Variants in TGFBR1 observed in about 807,000 individuals in gnomAD.
The protein encoded by TGFBR1 is TGF-beta receptor type-1.
Under a neutral mutation model 55.1 loss-of-function variants are expected in TGFBR1, and 20 were observed. That is an observed-to-expected ratio of 0.36 (90% CI 0.26 to 0.53). The LOEUF (loss-of-function observed/expected upper bound fraction) is 0.53, where lower values mean the gene tolerates loss of function less well. TGFBR1 is among the 20% of genes least tolerant of loss of function. TGFBR1 has a pLI of 0.91. For missense variants in TGFBR1, 385 were observed against 617.6 expected, an observed-to-expected ratio of 0.62 and a Z score of 3.99; for synonymous variants, 220 against 214.8, an observed-to-expected ratio of 1.02 and a Z score of -0.21.
At chr9:99,147,603 G>T in intron 7 of TGFBR1, 51 bp from the exon 8 acceptor site, 1 of 1,558,858 alleles carries the variant, frequency 6.4e-7, no homozygotes, top group Non-Finnish European at 8.8e-7. Context: ...TAATGCCTTG[G>T]CATTAGCTGA....
chr9:99,141,114 G>A (rs1827603981), intron 4 of TGFBR1, among the ~76,000 whole-genome samples: 1 of 152,108 alleles, frequency 6.6e-6, no homozygotes, highest in Admixed American at 6.5e-5. Flanking sequence ...TCCATAACCT[G>A]TGGTTTCCCT....
intron 1 of TGFBR1, among the ~76,000 whole-genome samples, chr9:99,113,290 T>C (rs1826638110): frequency 6.6e-6 from 1 of 152,224 alleles, no homozygotes; most frequent in African/African-American, 2.4e-5. Context: ...TGGTTGCTGA[T>C]GTTACAGGTG....
At chr9:99,140,201 A>G (rs979974011) in intron 4 of TGFBR1, among the ~76,000 whole-genome samples, 1 of 152,226 alleles carries the variant, frequency 6.6e-6, no homozygotes, top group African/African-American at 2.4e-5. Flanking sequence ...CTGTAATCCC[A>G]GCACTTTGGG....
At chr9:99,113,620 G>A (rs775488677) in intron 1 of TGFBR1, among the ~76,000 whole-genome samples, 6 of 152,242 alleles carry the variant, frequency 3.9e-5, no homozygotes, top group Non-Finnish European at 7.4e-5. Flanking sequence ...TTACCTGATC[G>A]TTGTGAAGAT....
At chr9:99,130,458 G>A (rs879432563) in intron 2 of TGFBR1, among the ~76,000 whole-genome samples, 2 of 152,204 alleles carry the variant, frequency 1.3e-5, no homozygotes, top group African/African-American at 2.4e-5. Flanking sequence ...GGTAAGGGTT[G>A]GTCGGACTAC....
intron 3 of TGFBR1, among the ~76,000 whole-genome samples, chr9:99,135,393 G>A (rs1008755673): frequency 3.3e-5 from 5 of 152,248 alleles, no homozygotes; most frequent in Non-Finnish European, 5.9e-5. Flanking sequence ...GTAATACTCT[G>A]TTTTTAGTTC....
At chr9:99,144,706 G>T in intron 5 of TGFBR1, 26 bp from the exon 6 acceptor site, 1 of 1,613,066 alleles carries the variant, frequency 6.2e-7, no homozygotes, top group Non-Finnish European at 8.5e-7. Context: ...CTTTTAAGCA[G>T]TCATGTTTAA....
chr9:99,133,634 G>T (rs887103863), intron 3 of TGFBR1, among the ~76,000 whole-genome samples: 1 of 152,032 alleles, frequency 6.6e-6, no homozygotes, highest in Non-Finnish European at 1.5e-5. Flanking sequence ...TCCTCTTTGG[G>T]CTTCTGTTTC....
Position 99,124,285 on chromosome 9 carries a change from A to G in TGFBR1, c.98-4570A>G, listed in dbSNP as rs78516219. 7.0e-3 allele frequency among the ~76,000 whole-genome samples: 1,073 copies of G among 152,244 alleles called. 21 individuals are homozygous for G. The highest frequency in any genetic ancestry group is 0.024 in the African/African-American group (1,013 of 41,540). On this transcript the variant is annotated intron_variant, in intron 1 of 8. Coordinates refer to ENST00000374994, the MANE Select transcript of TGFBR1 (RefSeq NM_004612.4). ...TCCCTTCCACCCTAGTGAACTACTC[A>G]AGTGCAAATACCTTGTCTTACTCAT...
At chr9:99,110,332 C>T (rs1236388643) in intron 1 of TGFBR1, among the ~76,000 whole-genome samples, 4 of 152,168 alleles carry the variant, frequency 2.6e-5, no homozygotes, top group Non-Finnish European at 5.9e-5. Flanking sequence ...TGTCTTGTCT[C>T]GTTTAATTCT....
At chr9:99,122,379 G>C (rs954096374) in intron 1 of TGFBR1, among the ~76,000 whole-genome samples, 6 of 151,946 alleles carry the variant, frequency 3.9e-5, no homozygotes, top group African/African-American at 1.5e-4. Flanking sequence ...CAAGACATAT[G>C]GGCTTGTGAA....
At chr9:99,135,517 G>A (rs9282874) in intron 3 of TGFBR1, among the ~76,000 whole-genome samples, 2,085 of 152,342 alleles carry the variant, frequency 0.014, 51 homozygotes, top group African/African-American at 0.048. Context: ...TAAAGACTGT[G>A]CTTTTAACTT....
chr9:99,129,987 G>A (rs897241955), intron 2 of TGFBR1, among the ~76,000 whole-genome samples: 3 of 152,048 alleles, frequency 2.0e-5, no homozygotes, highest in African/African-American at 4.8e-5. Flanking sequence ...TTAAGATTCC[G>A]GTTTAATATG....
At chr9:99,114,256 G>GA (rs1049262061) in intron 1 of TGFBR1, among the ~76,000 whole-genome samples, 116 of 151,910 alleles carry the variant, frequency 7.6e-4, no homozygotes, top group African/African-American at 2.7e-3. Flanking sequence ...AAAAGGGAAA[G>GA]AAAAAGAGAA....
At chr9:99,117,975 T>C (rs960036966) in intron 1 of TGFBR1, among the ~76,000 whole-genome samples, 1 of 152,202 alleles carries the variant, frequency 6.6e-6, no homozygotes, top group African/African-American at 2.4e-5. Context: ...TTTTCTCCAT[T>C]TATAAATACA....
upstream of TGFBR1, among the ~76,000 whole-genome samples, chr9:99,104,711 T>C (rs1193028088): frequency 6.6e-6 from 1 of 152,126 alleles, no homozygotes; most frequent in Non-Finnish European, 1.5e-5. Context: ...TACCAGATCT[T>C]CCGCGCCTAG....
chr9:99,152,167 TG>T lies in TGFBR1; in HGVS notation c.*2864del, dbSNP rs1827997126. The T allele has an allele frequency of 4.8e-6, 1 of 207,256 alleles. No individual in the cohort carries two copies. 12.8% of individuals were successfully genotyped at this position (207,256 alleles called of 1,614,324 possible). ...TGGAGACCTAGAGTAAAACGGCTGATGGAAGTTGTGGGACCCACTTCCATTT... is the reference window on the plus strand; with the variant it reads ...TGGAGACCTAGAGTAAAACGGCTGATGAAGTTGTGGGACCCACTTCCATTT... On this transcript the variant is annotated 3_prime_UTR_variant, in exon 9 of 9. Coordinates refer to ENST00000374994, the MANE Select transcript of TGFBR1 (RefSeq NM_004612.4).
chr9:99,121,311 T>C (rs1826892028), intron 1 of TGFBR1, among the ~76,000 whole-genome samples: 1 of 152,160 alleles, frequency 6.6e-6, no homozygotes, highest in Non-Finnish European at 1.5e-5. Context: ...AACTGAGTAT[T>C]TTGAGGAACA....
At chr9:99,115,023 A>G (rs1254470848) in intron 1 of TGFBR1, among the ~76,000 whole-genome samples, 2 of 152,208 alleles carry the variant, frequency 1.3e-5, no homozygotes, top group East Asian at 1.9e-4. Context: ...AGGCACGTAC[A>G]TTAGCATGAG....
Sources: allele counts gnomAD v4.1 joint callset (sites outside exome capture counted in the v4.1 genomes callset), GRCh38; gene constraint gnomAD v4.1.1; transcripts MANE v1.5; gene names NCBI Gene and HGNC (gene_info 2026-07-23, HGNC 2026-07-21).